The following ST18 variants were observed in gnomAD, a reference collection of about 807,000 sequenced individuals.
ST18 encodes the protein suppression of tumorigenicity 18 protein.
In ST18, 50 loss-of-function variants were observed where a neutral mutation model predicts 110.0. The ratio of observed to expected loss-of-function variants is 0.45; its 90% CI spans 0.36 to 0.58. ST18 has a LOEUF of 0.58. ST18 is among the 20% of genes least tolerant of loss of function. ST18 has a pLI of 0.00. For missense variants in ST18, 1,306 were observed against 1,280.1 expected, an observed-to-expected ratio of 1.02 and a Z score of -0.31; for synonymous variants, 461 against 452.4, an observed-to-expected ratio of 1.02 and a Z score of -0.24.
At chr8:52,374,854 G>A (rs1482780660) in intron 2 of ST18, among the ~76,000 whole-genome samples, 3 of 152,144 alleles carry the variant, frequency 2.0e-5, no homozygotes, top group African/African-American at 7.2e-5. Context: ...CCCTGCAAAG[G>A]ACATGATCTC....
At chr8:52,308,909 T>G (rs1267475240) in intron 2 of ST18, among the ~76,000 whole-genome samples, 2 of 152,240 alleles carry the variant, frequency 1.3e-5, no homozygotes, top group African/African-American at 4.8e-5. Flanking sequence ...GTGTTGCAAG[T>G]AAGCTAGTGT....
At chr8:52,292,875 A>C (rs567794799) in intron 2 of ST18, among the ~76,000 whole-genome samples, 1 of 152,224 alleles carries the variant, frequency 6.6e-6, no homozygotes, top group African/African-American at 2.4e-5. Flanking sequence ...CTTCCAATAA[A>C]GAAGGGAAAC....
chr8:52,205,548 A>T (rs931664458), intron 8 of ST18, among the ~76,000 whole-genome samples: 37 of 152,186 alleles, frequency 2.4e-4, no homozygotes, highest in Admixed American at 4.6e-4. Flanking sequence ...TTTTAAAAAA[A>T]TTTTTTTAAT....
Position 52,276,920 on chromosome 8 carries a change from C to T in ST18, c.-464-46843G>A, listed in dbSNP as rs1176282853. On this transcript the variant is annotated intron_variant, in intron 2 of 25. Transcript: ENST00000689386. ...TAGCTGGGATTACTGGTGCCCACCACCACGCCCAGCTAATTTTTGTATTTT... is the reference window on the plus strand; with the variant it reads ...TAGCTGGGATTACTGGTGCCCACCATCACGCCCAGCTAATTTTTGTATTTT... 2.0e-5 allele frequency among the ~76,000 whole-genome samples: 3 copies of T among 152,058 alleles called. No individual in the cohort carries two copies. The East Asian group carries it at 5.8e-4, about 29-fold the overall frequency.
At chr8:52,213,584 G>A (rs746743028) in intron 7 of ST18, among the ~76,000 whole-genome samples, 7 of 152,122 alleles carry the variant, frequency 4.6e-5, no homozygotes, top group African/African-American at 9.7e-5. Context: ...TTTTCCTTAA[G>A]GGGTATTATT....
intron 2 of ST18, among the ~76,000 whole-genome samples, chr8:52,263,819 T>C: frequency 7.0e-6 from 1 of 143,390 alleles, no homozygotes. Context: ...CGATCTTCAC[T>C]CACTGCAACC....
chr8:52,121,263 A>G (rs2044688127), intron 23 of ST18, among the ~76,000 whole-genome samples: 1 of 152,186 alleles, frequency 6.6e-6, no homozygotes, highest in South Asian at 2.1e-4. Flanking sequence ...GGAAGATCAT[A>G]AGATGAGATC....
intron 2 of ST18, chr8:52,248,396 G>A (rs889035595): frequency 5.3e-5 from 8 of 152,112 alleles, no homozygotes; most frequent in Admixed American, 2.0e-4. Flanking sequence ...CTTTTTAAAT[G>A]TTTTCGATGA....
chr8:52,262,644 T>A (rs2094729854), intron 2 of ST18, among the ~76,000 whole-genome samples: 1 of 152,256 alleles, frequency 6.6e-6, no homozygotes, highest in South Asian at 2.1e-4. Flanking sequence ...TTCTGCTGAT[T>A]TCTAATAAAG....
intron 2 of ST18, among the ~76,000 whole-genome samples, chr8:52,343,215 C>T (rs181125462): frequency 1.3e-5 from 2 of 152,140 alleles, no homozygotes; most frequent in East Asian, 3.9e-4. Flanking sequence ...AAGTGAATGC[C>T]CTGCGTATGG....
intron 2 of ST18, among the ~76,000 whole-genome samples, chr8:52,355,381 C>T (rs1347795186): frequency 6.6e-6 from 1 of 152,164 alleles, no homozygotes; most frequent in African/African-American, 2.4e-5. Context: ...TGTATGCCCC[C>T]AACCCCTAGC....
chr8:52,334,433 A>G (rs746850183), intron 2 of ST18, among the ~76,000 whole-genome samples: 72 of 152,238 alleles, frequency 4.7e-4, no homozygotes, highest in Admixed American at 1.6e-3. Context: ...TGAAATTTCC[A>G]TAGAAAGATC....
At chr8:52,362,044 A>C (rs941363872) in intron 2 of ST18, among the ~76,000 whole-genome samples, 1 of 152,212 alleles carries the variant, frequency 6.6e-6, no homozygotes, top group African/African-American at 2.4e-5. Context: ...TTTTAAAAAC[A>C]CTACCTGGCT....
chr8:52,296,851 C>CTAA (rs2095644228), intron 2 of ST18, among the ~76,000 whole-genome samples: 1 of 151,818 alleles, frequency 6.6e-6, no homozygotes, highest in African/African-American at 2.4e-5. Context: ...AGTACAGGAA[C>CTAA]TAAGACAAGT....
chr8:52,173,609 C>T (rs1277088004), intron 9 of ST18, among the ~76,000 whole-genome samples: 6 of 152,144 alleles, frequency 3.9e-5, no homozygotes, highest in African/African-American at 1.4e-4. Context: ...TCACAGGTGA[C>T]TCCAGCCCAG....
At chr8:52,356,761 A>G (rs1439297800) in intron 2 of ST18, among the ~76,000 whole-genome samples, 1 of 152,202 alleles carries the variant, frequency 6.6e-6, no homozygotes, top group Non-Finnish European at 1.5e-5. Context: ...GCCTCACCAA[A>G]TAGAAAATAT....
chr8:52,122,499 T>A (rs572152098), intron 23 of ST18, among the ~76,000 whole-genome samples: 2 of 151,470 alleles, frequency 1.3e-5, no homozygotes, highest in South Asian at 4.2e-4. Flanking sequence ...TTATTTATTT[T>A]TTAGATGGAG....
At chr8:52,199,561 A>G (rs1289044534) in intron 8 of ST18, 1 of 152,206 alleles carries the variant, frequency 6.6e-6, no homozygotes, top group Non-Finnish European at 1.5e-5. Context: ...TTTATTCATG[A>G]AGGCACAAAA....
At position 52,172,043 on chromosome 8, in the gene ST18, G is replaced by A; in HGVS notation, c.818C>T (p.Pro273Leu). 1.2e-6 allele frequency: 2 copies of A among 1,614,206 alleles called. No individual in the cohort carries two copies. The highest frequency in any genetic ancestry group is 2.7e-5 in the African/African-American group (2 of 75,060). The change falls in exon 10 of 26, where the codon CCC (proline) becomes CTC (leucine). Residue 273 changes from proline to leucine, a missense_variant. Physicochemically the swap from Pro to Leu is moderately conservative, Grantham distance 98. Transcript: ENST00000689386. Reference sequence around the variant, plus strand: ...TTCCTCCTCAACGTCAGGGAATGAGGGCTGGGCATTGCCATCCAGGGGTTC... The same window carrying A: ...TTCCTCCTCAACGTCAGGGAATGAGAGCTGGGCATTGCCATCCAGGGGTTC... ...LAEPLDGNAQ[P>L]SFPDVEEEDS...
Sources: allele counts gnomAD v4.1 joint callset (sites outside exome capture counted in the v4.1 genomes callset), GRCh38; gene constraint gnomAD v4.1.1; transcripts MANE v1.5; gene names NCBI Gene and HGNC (gene_info 2026-07-23, HGNC 2026-07-21).